The following CDH6 variants were observed in gnomAD, a reference collection of about 807,000 sequenced individuals.
CDH6 encodes cadherin-6.
In CDH6, 31 loss-of-function variants were observed where a neutral mutation model predicts 78.0. The ratio of observed to expected loss-of-function variants is 0.40; its 90% CI spans 0.30 to 0.54. The LOEUF is 0.54. Ranked by LOEUF, CDH6 falls within the 20% of genes least tolerant of loss-of-function variation. CDH6 has a pLI of 0.56. For synonymous variants in CDH6, 376 were observed against 368.8 expected (o/e 1.02, Z -0.23); for missense variants, 724 against 975.9 (o/e 0.74, Z 3.44).
Position 31,327,535 on chromosome 5 carries a change from A to G in CDH6, c.*4227A>G, listed in dbSNP as rs572105995. 1 of 192,928 alleles carries G rather than the reference A, an allele frequency of 5.2e-6. No individual in the cohort carries two copies. Among genetic ancestry groups the G allele is most frequent in the African/African-American group, 2.3e-5 (1 of 43,120 alleles). 12.0% of individuals were successfully genotyped at this position (192,928 alleles called of 1,614,324 possible). A position where few individuals can be genotyped will look rare whatever the true frequency, so the allele number is the denominator to read the frequency against. ...GGGGACTCAAAAATCCAAGCAGTCT[A>G]CTGTGTTTAAATTAACACCACAACC... is the stretch of plus-strand genomic sequence containing the variant. On this transcript the variant is annotated 3_prime_UTR_variant, in exon 12 of 12. Coordinates refer to ENST00000265071, the MANE Select transcript of CDH6 (RefSeq NM_004932.4).
intron 7 of CDH6, among the ~76,000 whole-genome samples, chr5:31,311,633 A>C (rs960955527): frequency 1.3e-5 from 2 of 152,326 alleles, no homozygotes; most frequent in East Asian, 3.9e-4. Context: ...AAGAGGCTTA[A>C]TTGACTCACA....
intron 2 of CDH6, among the ~76,000 whole-genome samples, chr5:31,291,672 T>A (rs1413949361): frequency 1.3e-5 from 2 of 152,226 alleles, no homozygotes; most frequent in Non-Finnish European, 2.9e-5. Flanking sequence ...GTGGTGACAT[T>A]GCTTTCCTTA....
rs553512860 is a variant in CDH6 at position 31,328,417 on chromosome 5, A to T, written c.*5109A>T. 6 of 204,290 alleles carry T rather than the reference A, an allele frequency of 2.9e-5. No homozygotes were observed. The highest frequency in any genetic ancestry group is 1.4e-4 in the African/African-American group (6 of 43,812). The allele number at this position is 204,290 out of a possible 1,614,324, so 12.7% of individuals were successfully genotyped here. On this transcript the variant is annotated 3_prime_UTR_variant, in exon 12 of 12. Coordinates refer to ENST00000265071, the MANE Select transcript of CDH6 (RefSeq NM_004932.4). The stretch of plus-strand genomic sequence containing the variant: ...TAGTGTTTATTAAAGAATCAAATGT[A>T]TAGAATTACCAGGCATTCGTGGGGA...
chr5:31,266,767 C>T (rs761397423), intron 1 of CDH6, among the ~76,000 whole-genome samples: 2 of 152,166 alleles, frequency 1.3e-5, no homozygotes, highest in Admixed American at 6.5e-5. Context: ...ATCTGCACTC[C>T]GAAAAGAAGG....
At chr5:31,202,655 A>G (rs1740387701) in intron 1 of CDH6, among the ~76,000 whole-genome samples, 1 of 121,602 alleles carries the variant, frequency 8.2e-6, no homozygotes, top group Non-Finnish European at 1.9e-5. Context: ...ATATATATAT[A>G]CACACACATA....
intron 1 of CDH6, among the ~76,000 whole-genome samples, chr5:31,236,470 A>G (rs1470815188): frequency 2.0e-5 from 3 of 152,122 alleles, no homozygotes; most frequent in Non-Finnish European, 4.4e-5. Context: ...AAGGAGGCAC[A>G]TTTCTCTCCG....
chr5:31,314,045 T>C (rs1460266165), intron 8 of CDH6, among the ~76,000 whole-genome samples: 1 of 152,062 alleles, frequency 6.6e-6, no homozygotes, highest in Non-Finnish European at 1.5e-5. Context: ...CAAAGAACAA[T>C]AGTGCCAAAA....
chr5:31,204,333 G>A (rs1268865734), intron 1 of CDH6, among the ~76,000 whole-genome samples: 2 of 152,146 alleles, frequency 1.3e-5, no homozygotes, highest in African/African-American at 4.8e-5. Flanking sequence ...GTACATGAGT[G>A]GACAGAGCAA....
chr5:31,229,712 A>G (rs1741264334), intron 1 of CDH6, among the ~76,000 whole-genome samples: 1 of 152,258 alleles, frequency 6.6e-6, no homozygotes, highest in Non-Finnish European at 1.5e-5. Context: ...GCAATTGTGG[A>G]CCATCATAGT....
intron 1 of CDH6, among the ~76,000 whole-genome samples, chr5:31,210,252 C>T (rs1740659449): frequency 6.6e-6 from 1 of 152,124 alleles, no homozygotes; most frequent in Non-Finnish European, 1.5e-5. Context: ...CGGCGACTCA[C>T]GCCTATAATC....
At position 31,229,160 on chromosome 5, in the gene CDH6, C is replaced by T. The variant is rs116122332; in HGVS notation, c.-129+35274C>T. Among the ~76,000 whole-genome samples, 596 of 152,248 alleles carry T rather than the reference C, an allele frequency of 3.9e-3. 6 individuals are homozygous for T. The highest frequency in any genetic ancestry group is 0.014 in the African/African-American group (562 of 41,542). On this transcript the variant is annotated intron_variant, in intron 1 of 11. Coordinates refer to ENST00000265071, the MANE Select transcript of CDH6 (RefSeq NM_004932.4). Reference sequence around the variant, plus strand: ...TACAACACAGCCCTCAAGCTCTACCCGATTCTCCAAAACCTGAGTCCGATC... The same window carrying T: ...TACAACACAGCCCTCAAGCTCTACCTGATTCTCCAAAACCTGAGTCCGATC...
chr5:31,245,885 TTCTC>T (rs898547013), intron 1 of CDH6, among the ~76,000 whole-genome samples: 14 of 150,834 alleles, frequency 9.3e-5, no homozygotes, highest in Non-Finnish European at 1.3e-4. Context: ...ACATTTTCTT[TTCTC>T]TCTCTCTCTC....
chr5:31,276,124 C>T (rs949667669), intron 2 of CDH6, among the ~76,000 whole-genome samples: 11 of 152,320 alleles, frequency 7.2e-5, no homozygotes, highest in African/African-American at 1.4e-4. Context: ...AAAATGTAAC[C>T]GTCATGAACA....
rs181048774 is a variant in CDH6 at position 31,310,012 on chromosome 5, T to C, written c.1254-3306T>C. ...TCCCAAATCTCATGTCCTTTTCACA[T>C]TTCAAAACCAATCATGCATTCCCAA... On this transcript the variant is annotated intron_variant, in intron 7 of 11. Coordinates refer to ENST00000265071, the MANE Select transcript of CDH6 (RefSeq NM_004932.4). Among the ~76,000 whole-genome samples the C allele has an allele frequency of 2.8e-3, 434 of 152,328 alleles. 5 individuals are homozygous for C. The highest frequency in any genetic ancestry group is 9.8e-3 in the African/African-American group (408 of 41,570).
chr5:31,216,326 C>A (rs185268048), intron 1 of CDH6, among the ~76,000 whole-genome samples: 2 of 152,194 alleles, frequency 1.3e-5, no homozygotes, highest in African/African-American at 4.8e-5. Context: ...CAGGCCAAAT[C>A]CAGCCACTGC....
At chr5:31,246,062 C>T (rs1344499222) in intron 1 of CDH6, among the ~76,000 whole-genome samples, 3 of 151,926 alleles carry the variant, frequency 2.0e-5, no homozygotes, top group Non-Finnish European at 4.4e-5. Context: ...CACACACCAC[C>T]ACACCCAGCT....
intron 2 of CDH6, among the ~76,000 whole-genome samples, chr5:31,286,629 A>C (rs914029223): frequency 1.3e-5 from 2 of 152,144 alleles, no homozygotes; most frequent in African/African-American, 4.8e-5. Context: ...GGCCATGCGA[A>C]GGGGTGGGGA....
chr5:31,302,947 G>GAAAGAA (rs1737858222), intron 6 of CDH6, among the ~76,000 whole-genome samples: 1 of 129,914 alleles, frequency 7.7e-6, no homozygotes, highest in Non-Finnish European at 1.7e-5. Flanking sequence ...AAGAAAGAAA[G>GAAAGAA]AAAGAAAGAA....
At chr5:31,289,483 T>C (rs1216652733) in intron 2 of CDH6, among the ~76,000 whole-genome samples, 1 of 152,172 alleles carries the variant, frequency 6.6e-6, no homozygotes, top group Non-Finnish European at 1.5e-5. Context: ...TTGGATAGAT[T>C]ACAGAATGAT....
Sources: gnomAD v4.1 joint callset for allele counts (sites outside exome capture counted in the v4.1 genomes callset) on GRCh38, gnomAD v4.1.1 for gene constraint, MANE v1.5 for transcripts, NCBI Gene and HGNC (gene_info 2026-07-23, HGNC 2026-07-21) for gene names.